Variants in WWOX observed in about 807,000 individuals in gnomAD.
The protein encoded by WWOX is WW domain-containing oxidoreductase.
A neutral mutation model predicts 46.2 loss-of-function variants in WWOX; 69 were observed. The observed-to-expected ratio is 1.49, with a 90% CI of 1.23 to 1.82. The LOEUF (loss-of-function observed/expected upper bound fraction) is 1.82, where lower values mean the gene tolerates loss of function less well. Among genes scored for constraint, WWOX ranks in the 40% most tolerant of loss-of-function variants. The probability of loss-of-function intolerance (pLI) is 0.00; values close to 1 mark genes in which losing one functional copy is unlikely to be tolerated. For synonymous variants in WWOX, 359 were observed against 202.6 expected (o/e 1.77, Z -6.56); for missense variants, 919 against 542.6 (o/e 1.69, Z -6.89).
intron 8 of WWOX, among the ~76,000 whole-genome samples, chr16:79,152,221 A>C (rs941600191): frequency 6.6e-6 from 1 of 152,168 alleles, no homozygotes; most frequent in African/African-American, 2.4e-5. Flanking sequence ...GGATTCGCTG[A>C]CCCATGCTGG....
chr16:79,152,660 T>C (rs2050303830), intron 8 of WWOX, among the ~76,000 whole-genome samples: 1 of 142,694 alleles, frequency 7.0e-6, no homozygotes, highest in Non-Finnish European at 1.5e-5. Context: ...ACAGAGTGAG[T>C]CTCCATCTCA....
At chr16:78,659,614 C>G (rs180710554) in intron 8 of WWOX, among the ~76,000 whole-genome samples, 1 of 152,244 alleles carries the variant, frequency 6.6e-6, no homozygotes, top group African/African-American at 2.4e-5. Flanking sequence ...CTTTGCAAAG[C>G]ACTGTACTAC....
rs188509581 is a variant in WWOX at position 79,133,522 on chromosome 16, C to G, written c.1057-78086C>G. ...TTCTCATTTTAGTATATTTAAACTTCAGGTCCTTAAATGTTCTTTTCTTTT... is the reference window on the plus strand; with the variant it reads ...TTCTCATTTTAGTATATTTAAACTTGAGGTCCTTAAATGTTCTTTTCTTTT... On this transcript the variant is annotated intron_variant, in intron 8 of 8. Coordinates refer to ENST00000566780, the MANE Select transcript of WWOX (RefSeq NM_016373.4). Among the ~76,000 whole-genome samples, 7 of 152,326 alleles carry G rather than the reference C, an allele frequency of 4.6e-5. No homozygotes were observed. In the East Asian group the frequency reaches 1.4e-3, roughly 29 times the overall value.
intron 8 of WWOX, among the ~76,000 whole-genome samples, chr16:79,056,323 G>T (rs1479084895): frequency 6.6e-6 from 1 of 152,102 alleles, no homozygotes; most frequent in African/African-American, 2.4e-5. Flanking sequence ...GAATTCTCAT[G>T]ACAATTTGTA....
chr16:78,735,214 T>G (rs1054545552), intron 8 of WWOX, among the ~76,000 whole-genome samples: 1 of 152,044 alleles, frequency 6.6e-6, no homozygotes, highest in African/African-American at 2.4e-5. Flanking sequence ...AGCATCAGCA[T>G]TTCTTGTGTT....
chr16:78,602,159 G>A (rs1281061533), intron 8 of WWOX, among the ~76,000 whole-genome samples: 2 of 152,156 alleles, frequency 1.3e-5, no homozygotes, highest in African/African-American at 2.4e-5. Flanking sequence ...TCAGAGCATA[G>A]AGGACTGTGA....
intron 8 of WWOX, among the ~76,000 whole-genome samples, chr16:78,543,562 T>G (rs1181393220): frequency 6.6e-6 from 1 of 152,168 alleles, no homozygotes; most frequent in Non-Finnish European, 1.5e-5. Flanking sequence ...CTGGCCAAAT[T>G]CTGTTTGAAG....
chr16:78,792,851 C>A (rs1023346053), intron 8 of WWOX, among the ~76,000 whole-genome samples: 1 of 152,096 alleles, frequency 6.6e-6, no homozygotes, highest in Non-Finnish European at 1.5e-5. Context: ...TCTCTGCTCA[C>A]CCCGGGGATT....
chr16:78,579,357 C>CA (rs1334590787), intron 8 of WWOX, among the ~76,000 whole-genome samples: 1 of 152,050 alleles, frequency 6.6e-6, no homozygotes, highest in Non-Finnish European at 1.5e-5. Flanking sequence ...GGGCAGGCTC[C>CA]AAAGGCGAAG....
At chr16:79,078,627 T>A (rs1464147045) in intron 8 of WWOX, among the ~76,000 whole-genome samples, 1 of 152,226 alleles carries the variant, frequency 6.6e-6, no homozygotes, top group East Asian at 1.9e-4. Context: ...TTCCTGGCCT[T>A]GAGTAAAAAC....
At chr16:78,219,940 G>C (rs886665436) in intron 5 of WWOX, among the ~76,000 whole-genome samples, 1 of 152,084 alleles carries the variant, frequency 6.6e-6, no homozygotes, top group African/African-American at 2.4e-5. Context: ...AAATGTATTT[G>C]AACTATATAT....
In WWOX at chr16:78,909,151, C is replaced by T. The variant is rs572400267; in HGVS notation, c.1057-302457C>T. On this transcript the variant is annotated intron_variant, in intron 8 of 8. Coordinates refer to ENST00000566780, the MANE Select transcript of WWOX (RefSeq NM_016373.4). ...GTTAGAAGCAAGATAGAGTCAGTTA[C>T]ATCAGATCTCCATCACCTTCATAAT... Among the ~76,000 whole-genome samples, 6 of 152,314 alleles carry T rather than the reference C, an allele frequency of 3.9e-5. No individual in the cohort carries two copies. The South Asian group carries it at 1.0e-3, about 26-fold the overall frequency.
chr16:78,276,459 A>G (rs151033560), intron 5 of WWOX, among the ~76,000 whole-genome samples: 15 of 152,354 alleles, frequency 9.8e-5, no homozygotes. Context: ...GGAACAATGC[A>G]CAAAGCAGAG....
chr16:78,149,141 C>G (rs2151718078), intron 4 of WWOX, among the ~76,000 whole-genome samples: 1 of 152,092 alleles, frequency 6.6e-6, no homozygotes, highest in East Asian at 1.9e-4. Context: ...ATACTTTGAG[C>G]CACTGTGCCT....
chr16:78,388,457 C>T (rs9937914), intron 6 of WWOX, among the ~76,000 whole-genome samples: 2 of 151,232 alleles, frequency 1.3e-5, no homozygotes, highest in East Asian at 2.0e-4. Context: ...ACCATCCTGG[C>T]CAACATTGTG....
intron 8 of WWOX, among the ~76,000 whole-genome samples, chr16:79,158,956 G>A (rs115664182): frequency 0.022 from 3,349 of 152,274 alleles, 130 homozygotes; most frequent in African/African-American, 0.075. Flanking sequence ...TTATTGAATA[G>A]ATGAAAGAAC....
intron 8 of WWOX, among the ~76,000 whole-genome samples, chr16:78,861,667 C>G (rs940126370): frequency 7.9e-5 from 12 of 152,142 alleles, no homozygotes; most frequent in African/African-American, 2.7e-4. Context: ...GCCCATTTTT[C>G]CAATCATTCT....
chr16:78,823,819 G>C (rs1444438081), intron 8 of WWOX, among the ~76,000 whole-genome samples: 1 of 150,586 alleles, frequency 6.6e-6, no homozygotes, highest in Non-Finnish European at 1.5e-5. Flanking sequence ...TTCTGTCTCC[G>C]AGCTAGAGTA....
At chr16:78,638,913 A>G (rs1042590842) in intron 8 of WWOX, among the ~76,000 whole-genome samples, 1 of 152,058 alleles carries the variant, frequency 6.6e-6, no homozygotes, top group African/African-American at 2.4e-5. Flanking sequence ...TTTGAAGAAA[A>G]CCTGAGAGAT....
Sources: gnomAD v4.1 joint callset for allele counts (sites outside exome capture counted in the v4.1 genomes callset) on GRCh38, gnomAD v4.1.1 for gene constraint, MANE v1.5 for transcripts, NCBI Gene and HGNC (gene_info 2026-07-23, HGNC 2026-07-21) for gene names.